Variants in ZEB1 observed in about 807,000 individuals in gnomAD.
ZEB1 encodes the protein zinc finger E-box binding homeobox 1.
ZEB1 carries 21 observed loss-of-function variants against 84.9 expected under a neutral mutation model. The observed-to-expected ratio is 0.25, with a 90% CI of 0.18 to 0.36. ZEB1 has a LOEUF of 0.36. Ranked by LOEUF, ZEB1 falls within the 10% of genes least tolerant of loss-of-function variation. ZEB1 has a pLI of 1.00. For synonymous variants in ZEB1, 420 were observed against 471.1 expected (o/e 0.89, Z 1.41); for missense variants, 1,104 against 1,330.2 (o/e 0.83, Z 2.65).
At chr10:31,421,716 TTTGTTC>T (rs1374141994) in intron 1 of ZEB1, among the ~76,000 whole-genome samples, 1 of 152,154 alleles carries the variant, frequency 6.6e-6, no homozygotes, top group African/African-American at 2.4e-5. Flanking sequence ...TTCTTTTCTC[TTTGTTC>T]TCTACCTGGA....
chr10:31,487,765 G>T (rs1439174064), intron 2 of ZEB1, among the ~76,000 whole-genome samples: 1 of 151,252 alleles, frequency 6.6e-6, no homozygotes, highest in Non-Finnish European at 1.5e-5. Context: ...GTTTCTTGTA[G>T]ATACGCTTTA....
intron 1 of ZEB1, among the ~76,000 whole-genome samples, chr10:31,449,566 T>C (rs2060278567): frequency 6.6e-6 from 1 of 152,230 alleles, no homozygotes; most frequent in African/African-American, 2.4e-5. Flanking sequence ...AAATGATTTT[T>C]ATTAAATAAT....
At chr10:31,496,518 T>C (rs142946204) in intron 3 of ZEB1, among the ~76,000 whole-genome samples, 3 of 152,098 alleles carry the variant, frequency 2.0e-5, no homozygotes, top group Admixed American at 6.6e-5. Context: ...TCAGATCTTA[T>C]GTATAGTAAT....
chr10:31,344,967 G>C (rs1410677462), intron 1 of ZEB1, among the ~76,000 whole-genome samples: 1 of 152,096 alleles, frequency 6.6e-6, no homozygotes, highest in Non-Finnish European at 1.5e-5. Flanking sequence ...TACCAGAGGA[G>C]ATGTCTGATA....
chr10:31,318,432 G>A (rs3737180), upstream of ZEB1: 1 of 152,326 alleles, frequency 6.6e-6, no homozygotes, highest in Non-Finnish European at 1.5e-5. Flanking sequence ...GCTCTACTAA[G>A]GAGGCTGCTG....
chr10:31,373,867 A>C (rs1358727707), intron 1 of ZEB1, among the ~76,000 whole-genome samples: 2 of 151,784 alleles, frequency 1.3e-5, no homozygotes, highest in Non-Finnish European at 3.0e-5. Context: ...TGAGAAAATA[A>C]TTTCTAAATT....
rs1590148675 is a variant in ZEB1, at chr10:31,346,368, A to G, written c.58+27076A>G. Among the ~76,000 whole-genome samples the G allele has an allele frequency of 5.3e-5, 8 of 152,316 alleles. No individual in the cohort carries two copies. The East Asian group carries it at 1.5e-3, about 29-fold the overall frequency. On this transcript the variant is annotated intron_variant, in intron 1 of 8. Coordinates refer to ENST00000424869, the MANE Select transcript of ZEB1 (RefSeq NM_001174096.2). ...ACTAGTAAAAGAATATGAGTTGTTG[A>G]TACGTGGAAACTTTAGACCCAAAAT...
chr10:31,453,080 G>A (rs1191955781), intron 1 of ZEB1, among the ~76,000 whole-genome samples: 1 of 152,086 alleles, frequency 6.6e-6, no homozygotes, highest in Non-Finnish European at 1.5e-5. Flanking sequence ...TTCTAAGAAA[G>A]ATTTTCTCTT....
At chr10:31,419,232 G>T (rs1287959069) in intron 1 of ZEB1, among the ~76,000 whole-genome samples, 1 of 151,828 alleles carries the variant, frequency 6.6e-6, no homozygotes, top group Non-Finnish European at 1.5e-5. Flanking sequence ...ACAATGAGCT[G>T]GTGGTAGACA....
chr10:31,428,130 G>T (rs2057223097), intron 1 of ZEB1, among the ~76,000 whole-genome samples: 1 of 151,978 alleles, frequency 6.6e-6, no homozygotes, highest in Admixed American at 6.6e-5. Context: ...GTGTGCTCTT[G>T]ATTATCTAGT....
rs2073649557 is a variant in ZEB1 at position 31,527,150 on chromosome 10, A to G, written c.3264A>G (p.Ala1088=). 6.2e-7 allele frequency: 1 copy of G among 1,610,232 alleles called. No individual in the cohort carries two copies. ...AGGCAGAGAATGAGGGAGAAGAAGC[A>G]AAAACTGAAGGTCTGATGAAGGATG... ...VEEAENEGEE[A]KTEGLMKDDR... Residue 1088 remains alanine (A), a synonymous_variant, in exon 9 of 9, where the codon GCA becomes GCG. Coordinates refer to ENST00000424869, the MANE Select transcript of ZEB1 (RefSeq NM_001174096.2).
intron 1 of ZEB1, among the ~76,000 whole-genome samples, chr10:31,450,813 C>T (rs1314455556): frequency 1.3e-5 from 2 of 151,674 alleles, no homozygotes; most frequent in African/African-American, 4.9e-5. Flanking sequence ...GTAATGTTTG[C>T]TTCATTCTTT....
At chr10:31,411,349 G>C (rs1284634610) in intron 1 of ZEB1, among the ~76,000 whole-genome samples, 1 of 152,152 alleles carries the variant, frequency 6.6e-6, no homozygotes, top group African/African-American at 2.4e-5. Flanking sequence ...GAATCTCTGG[G>C]ACACAGTTAA....
At chr10:31,448,872 C>A (rs1320952915) in intron 1 of ZEB1, among the ~76,000 whole-genome samples, 1 of 152,192 alleles carries the variant, frequency 6.6e-6, no homozygotes, top group Non-Finnish European at 1.5e-5. Flanking sequence ...TTTTGTTTGT[C>A]TGTGCCCTGT....
intron 1 of ZEB1, among the ~76,000 whole-genome samples, chr10:31,442,521 A>C (rs2059149493): frequency 2.0e-5 from 3 of 152,150 alleles, no homozygotes; most frequent in Admixed American, 6.5e-5. Context: ...ACAAAGTTGC[A>C]CGTTGTGCAC....
At chr10:31,460,964 T>A in intron 1 of ZEB1, 73 bp from the exon 2 acceptor site, 1 of 1,203,702 alleles carries the variant, frequency 8.3e-7, no homozygotes, top group Non-Finnish European at 1.2e-6. Flanking sequence ...GCATCTTTTT[T>A]ATTTTTCTGA....
At chr10:31,495,752 T>C (rs2067137408) in intron 2 of ZEB1, 24 bp from the exon 3 acceptor site, 1 of 1,612,224 alleles carries the variant, frequency 6.2e-7, no homozygotes, top group African/African-American at 1.3e-5. Flanking sequence ...TATAGATCTA[T>C]TTTAATTTCT....
intron 1 of ZEB1, among the ~76,000 whole-genome samples, chr10:31,402,072 G>A (rs1408008310): frequency 6.6e-6 from 1 of 151,952 alleles, no homozygotes; most frequent in Non-Finnish European, 1.5e-5. Flanking sequence ...ACTTCCAGAA[G>A]GCAACCAAAA....
At chr10:31,443,404 AT>A (rs2059291934) in intron 1 of ZEB1, among the ~76,000 whole-genome samples, 1 of 144,188 alleles carries the variant, frequency 6.9e-6, no homozygotes. Flanking sequence ...ATTTGCCTAT[AT>A]TTTCTTCTTT....
Sources: gnomAD v4.1 joint callset for allele counts (sites outside exome capture counted in the v4.1 genomes callset) on GRCh38, gnomAD v4.1.1 for gene constraint, MANE v1.5 for transcripts, NCBI Gene and HGNC (gene_info 2026-07-23, HGNC 2026-07-21) for gene names.